DSCAML1: variants seen among roughly 807,000 people sequenced by gnomAD.
DSCAML1 encodes the protein DS cell adhesion molecule like 1, also known as cell adhesion molecule DSCAML1.
A neutral mutation model predicts 200.5 loss-of-function variants in DSCAML1; 38 were observed. The observed-to-expected ratio is 0.19, with a 90% CI of 0.15 to 0.25. The LOEUF (loss-of-function observed/expected upper bound fraction) is 0.25, where lower values mean the gene tolerates loss of function less well. Ranked by LOEUF, DSCAML1 falls within the 10% of genes least tolerant of loss-of-function variation. The pLI is 1.00. For synonymous variants in DSCAML1, 1,215 were observed against 1,165.0 expected (o/e 1.04, Z -0.87); for missense variants, 2,223 against 2,858.8 (o/e 0.78, Z 5.07).
At chr11:117,454,206 C>T (rs1411717150) in intron 19 of DSCAML1, among the ~76,000 whole-genome samples, 1 of 152,176 alleles carries the variant, frequency 6.6e-6, no homozygotes, top group Non-Finnish European at 1.5e-5. Flanking sequence ...TTACCAGCAT[C>T]ACCCGGGAGC....
chr11:117,455,096 C>G (rs1364236754), intron 19 of DSCAML1, among the ~76,000 whole-genome samples: 1 of 152,174 alleles, frequency 6.6e-6, no homozygotes, highest in Non-Finnish European at 1.5e-5. Flanking sequence ...AATGATTCTT[C>G]ACTCTCCTGC....
At position 117,428,215 on chromosome 11, in the gene DSCAML1, G is replaced by A. The variant is rs576780349; in HGVS notation, c.*113C>T. ...CATGATTGGGGGTTTTTGTTTTGTC[G>A]TTGGTTGGTTTTTGTCTGTCAGTTG... On this transcript the variant is annotated 3_prime_UTR_variant, in exon 33 of 33. Transcript: ENST00000651296. The A allele has an allele frequency of 4.5e-5, 31 of 682,320 alleles. No homozygotes were observed. Among genetic ancestry groups the A allele is most frequent in the East Asian group, 1.7e-4 (6 of 35,702 alleles). The allele number at this position is 682,320 out of a possible 1,614,324, so 42.3% of individuals were successfully genotyped here.
intron 3 of DSCAML1, among the ~76,000 whole-genome samples, chr11:117,555,370 G>C (rs1162197364): frequency 6.6e-6 from 1 of 152,148 alleles, no homozygotes; most frequent in Non-Finnish European, 1.5e-5. Flanking sequence ...TGACCTCCAG[G>C]GGCTCAGGAT....
Position 117,558,660 on chromosome 11 carries a change from G to C in DSCAML1, c.512-26138C>G, listed in dbSNP as rs2050602726. Among the ~76,000 whole-genome samples the C allele has an allele frequency of 1.3e-5, 2 of 152,178 alleles. 1 individual carries two copies. The highest frequency in any genetic ancestry group is 4.1e-4 in the South Asian group (2 of 4,828). On this transcript the variant is annotated intron_variant, in intron 3 of 32. Transcript: ENST00000651296. ...CAGACACTGGATTAAAGAAGGAAGAGGTTTTTATTTGGCTGGGAGCATCGG... is the reference window on the plus strand; with the variant it reads ...CAGACACTGGATTAAAGAAGGAAGACGTTTTTATTTGGCTGGGAGCATCGG...
chr11:117,472,454 G>A (rs1267569476), intron 14 of DSCAML1, among the ~76,000 whole-genome samples: 2 of 152,196 alleles, frequency 1.3e-5, no homozygotes, highest in Non-Finnish European at 2.9e-5. Context: ...AAAGCAGGAG[G>A]CTAAGTCTCC....
At chr11:117,641,675 C>A (rs993721797) in intron 3 of DSCAML1, among the ~76,000 whole-genome samples, 1 of 152,108 alleles carries the variant, frequency 6.6e-6, no homozygotes. Flanking sequence ...GAGACAGACT[C>A]GGGCTGGGGA....
At chr11:117,717,164 G>C (rs757745297) in intron 3 of DSCAML1, among the ~76,000 whole-genome samples, 20 of 152,180 alleles carry the variant, frequency 1.3e-4, no homozygotes, top group Non-Finnish European at 2.6e-4. Flanking sequence ...GTGCCACGCC[G>C]AAGATGGTCG....
intron 18 of DSCAML1, among the ~76,000 whole-genome samples, chr11:117,460,966 C>T (rs1303511043): frequency 1.3e-5 from 2 of 152,060 alleles, no homozygotes; most frequent in Non-Finnish European, 2.9e-5. Flanking sequence ...TGCCCACCTC[C>T]CTCCTCAGTC....
chr11:117,750,237 G>A (rs141801597), intron 3 of DSCAML1, among the ~76,000 whole-genome samples: 420 of 152,284 alleles, frequency 2.8e-3, no homozygotes, highest in African/African-American at 9.2e-3. Context: ...TCCCCAGCCT[G>A]CACGCTGCAC....
chr11:117,773,858 C>G (rs192733809), intron 3 of DSCAML1, among the ~76,000 whole-genome samples: 1 of 152,154 alleles, frequency 6.6e-6, no homozygotes, highest in African/African-American at 2.4e-5. Flanking sequence ...GAGGGCTGGG[C>G]CAGGAGAGGA....
At chr11:117,482,244 C>A in intron 11 of DSCAML1, 82 bp from the exon 12 acceptor site, 1 of 1,482,442 alleles carries the variant, frequency 6.7e-7, no homozygotes, top group East Asian at 2.4e-5. Context: ...GCAGAAGCCC[C>A]CGCCCCAGCC....
At chr11:117,734,352 T>C (rs771851106) in intron 3 of DSCAML1, among the ~76,000 whole-genome samples, 6 of 152,114 alleles carry the variant, frequency 3.9e-5, no homozygotes, top group Non-Finnish European at 7.4e-5. Flanking sequence ...ATGGGTCCAA[T>C]AGAGCCATCT....
rs71037492 is a variant in DSCAML1 at position 117,687,426 on chromosome 11, A to ATTTTTTTTT, written c.511+89356_511+89364dup. ...CAGGTGTGCTCCACCATGCCTGGCT[A>ATTTTTTTTT]TTTTTTTTTTTTTTTTTTTTTTAGA... On this transcript the variant is annotated intron_variant, in intron 3 of 32. Coordinates refer to ENST00000651296, the MANE Select transcript of DSCAML1 (RefSeq NM_020693.4). Among the ~76,000 whole-genome samples the ATTTTTTTTT allele has an allele frequency of 7.3e-4, 71 of 97,640 alleles. 3 individuals carry two copies. The highest frequency in any genetic ancestry group is 4.2e-3 in the Admixed American group (33 of 7,942). The allele number at this position is 97,640 out of a possible 152,430, so 64.1% of individuals were successfully genotyped here.
At chr11:117,621,573 T>TA (rs2051931241) in intron 3 of DSCAML1, among the ~76,000 whole-genome samples, 2 of 152,224 alleles carry the variant, frequency 1.3e-5, no homozygotes, top group Non-Finnish European at 2.9e-5. Flanking sequence ...CCATTTTCTT[T>TA]AAAAAATGTT....
intron 3 of DSCAML1, among the ~76,000 whole-genome samples, chr11:117,657,589 G>A (rs2052759955): frequency 6.6e-6 from 1 of 152,112 alleles, no homozygotes; most frequent in East Asian, 1.9e-4. Flanking sequence ...CTAGGTCCCT[G>A]GCCAAACCAT....
At chr11:117,792,216 G>T (rs1026454067) in intron 1 of DSCAML1, among the ~76,000 whole-genome samples, 1 of 152,126 alleles carries the variant, frequency 6.6e-6, no homozygotes, top group African/African-American at 2.4e-5. Context: ...ACCTCTGTGG[G>T]CTCTGGTGGG....
intron 3 of DSCAML1, among the ~76,000 whole-genome samples, chr11:117,547,278 G>C (rs1404335097): frequency 6.6e-6 from 1 of 152,184 alleles, no homozygotes; most frequent in African/African-American, 2.4e-5. Flanking sequence ...CCATGTGTCA[G>C]ATGCTCACGG....
intron 3 of DSCAML1, among the ~76,000 whole-genome samples, chr11:117,608,043 A>G (rs1360497481): frequency 6.6e-6 from 1 of 152,252 alleles, no homozygotes; most frequent in Non-Finnish European, 1.5e-5. Flanking sequence ...CGTTTCATCT[A>G]CATTGTAGTG....
At chr11:117,562,198 C>G (rs1049121059) in intron 3 of DSCAML1, among the ~76,000 whole-genome samples, 2 of 152,186 alleles carry the variant, frequency 1.3e-5, no homozygotes, top group Non-Finnish European at 2.9e-5. Context: ...CTCTAAGATT[C>G]TGTCCTGCCA....
Sources: gnomAD v4.1 joint callset for allele counts (sites outside exome capture counted in the v4.1 genomes callset) on GRCh38, gnomAD v4.1.1 for gene constraint, MANE v1.5 for transcripts, NCBI Gene and HGNC (gene_info 2026-07-23, HGNC 2026-07-21) for gene names.